Variants in SCGB2A1 observed in about 807,000 individuals in gnomAD.
SCGB2A1 encodes the protein secretoglobin family 2A member 1.
A neutral mutation model predicts 9.2 loss-of-function variants in SCGB2A1; 6 were observed. The ratio of observed to expected loss-of-function variants is 0.66; its 90% CI spans 0.36 to 1.29. The LOEUF (loss-of-function observed/expected upper bound fraction) is 1.29. SCGB2A1 is among the 50% of genes most tolerant of loss of function. SCGB2A1 has a pLI of 0.03. For missense variants in SCGB2A1, 138 were observed against 116.9 expected, an observed-to-expected ratio of 1.18 and a Z score of -0.83; for synonymous variants, 37 against 41.0, an observed-to-expected ratio of 0.90 and a Z score of 0.37.
chr11:62,209,875 G>A (rs1258570620), intron 1 of SCGB2A1, among the ~76,000 whole-genome samples: 1 of 152,046 alleles, frequency 6.6e-6, no homozygotes, highest in Non-Finnish European at 1.5e-5. Flanking sequence ...AGGTCTCCCT[G>A]TGTTGTCCAG....
chr11:62,208,860 C>T (rs942307907), intron 1 of SCGB2A1, 74 bp downstream of exon 1: 1 of 1,458,730 alleles, frequency 6.9e-7, no homozygotes, highest in Non-Finnish European at 9.5e-7. Context: ...AACTCCCAAC[C>T]TCTAATCCCC....
chr11:62,213,585 G>C, intron 2 of SCGB2A1, 141 bp from the exon 3 acceptor site: 1 of 721,514 alleles, frequency 1.4e-6, no homozygotes, highest in African/African-American at 1.8e-5. Flanking sequence ...ATGGAGAGGG[G>C]ATGCTGGCTT....
intron 2 of SCGB2A1, among the ~76,000 whole-genome samples, chr11:62,211,679 T>A (rs1442990914): frequency 6.6e-6 from 1 of 151,902 alleles, no homozygotes; most frequent in Non-Finnish European, 1.5e-5. Flanking sequence ...GGATTACAGG[T>A]GTGAGCCACT....
Position 62,213,102 on chromosome 11 carries a change from A to T in SCGB2A1, c.244-624A>T, listed in dbSNP as rs1198606753. ...TACACATATATACACATATATATAT[A>T]TATATTTTTTTTTTTGTAGAGATGG... On this transcript the variant is annotated intron_variant, in intron 2 of 2. Transcript: ENST00000244930. Among the ~76,000 whole-genome samples the T allele has an allele frequency of 3.2e-3, 128 of 39,894 alleles. 9 individuals carry two copies. Among genetic ancestry groups the T allele is most frequent in the African/African-American group, 6.6e-3 (122 of 18,474 alleles). The allele number at this position is 39,894 out of a possible 152,430, so 26.2% of individuals were successfully genotyped here. A position where few individuals can be genotyped will look rare whatever the true frequency, so the allele number is the denominator to read the frequency against.
At position 62,213,930 on chromosome 11, in the gene SCGB2A1, G is replaced by T; in HGVS notation, c.*160G>T. The T allele has an allele frequency of 3.6e-6, 2 of 559,588 alleles. No homozygotes were observed. The highest frequency in any genetic ancestry group is 3.1e-6 in the Non-Finnish European group (1 of 318,678). The allele number at this position is 559,588 out of a possible 1,614,324, so 34.7% of individuals were successfully genotyped here. ...TCATTTCCATTTCAATAAACTAACT[G>T]CAAATCACTAAAATTCTTTCTTGTT... On this transcript the variant is annotated 3_prime_UTR_variant, in exon 3 of 3. Transcript: ENST00000244930.
rs757655165 is a variant in SCGB2A1 at position 62,208,724 on chromosome 11, G to A, written c.-8G>A. On this transcript the variant is annotated 5_prime_UTR_variant, in exon 1 of 3. Transcript: ENST00000244930. ...GCACGACTGAACACAGACAGCAGCC[G>A]CCTCGCCATGAAGCTGCTGATGGTC... The A allele has an allele frequency of 6.2e-6, 10 of 1,613,342 alleles. No homozygotes were observed. The highest frequency in any genetic ancestry group is 2.7e-5 in the African/African-American group (2 of 74,922).
intron 2 of SCGB2A1, 104 bp downstream of exon 2, chr11:62,210,704 CT>C: frequency 1.2e-6 from 1 of 803,748 alleles, no homozygotes; most frequent in Non-Finnish European, 1.9e-6. Context: ...AACAAACTTT[CT>C]TTATATATCA....
chr11:62,212,170 G>C (rs1271256062), intron 2 of SCGB2A1, among the ~76,000 whole-genome samples: 1 of 151,396 alleles, frequency 6.6e-6, no homozygotes, highest in Non-Finnish European at 1.5e-5. Context: ...TGATCTGCCC[G>C]CTTCAGCCTC....
intron 2 of SCGB2A1, among the ~76,000 whole-genome samples, chr11:62,211,888 T>C (rs1212874785): frequency 6.6e-6 from 1 of 152,162 alleles, no homozygotes; most frequent in African/African-American, 2.4e-5. Flanking sequence ...TTTCTGTCTG[T>C]TTATAAAGAT....
Position 62,210,625 on chromosome 11 carries a change from C to A in SCGB2A1, c.243+25C>A, listed in dbSNP as rs777090190. The A allele has an allele frequency of 2.5e-5, 38 of 1,491,264 alleles. 1 individual carries two copies. The Middle Eastern group carries it at 5.3e-4, about 21-fold the overall frequency. 92.4% of individuals were successfully genotyped at this position (1,491,264 alleles called of 1,614,324 possible). A position where few individuals can be genotyped will look rare whatever the true frequency, so the allele number is the denominator to read the frequency against. On this transcript the variant is annotated intron_variant, in intron 2 of 2. Coordinates refer to ENST00000244930, the MANE Select transcript of SCGB2A1 (RefSeq NM_002407.3). ...GGTAATTTGGGTTTCTTCTTATGTA[C>A]CCTTTGAAAATCACTGATCAGAACC...
Position 62,210,482 on chromosome 11 carries a change from A to G in SCGB2A1, c.125A>G (p.Tyr42Cys), listed in dbSNP as rs1285429461. The G allele has an allele frequency of 6.3e-7, 1 of 1,597,696 alleles. No individual in the cohort carries two copies. Among genetic ancestry groups the G allele is most frequent in the Non-Finnish European group, 8.5e-7 (1 of 1,174,450 alleles). The change falls in exon 2 of 3, where the codon TAC becomes TGC. Residue 42 changes from tyrosine to cysteine, a missense_variant. Coordinates refer to ENST00000244930, the MANE Select transcript of SCGB2A1 (RefSeq NM_002407.3). The part of the protein sequence containing the change: ...TINSDISIPE[Y>C]KELLQEFIDS... ...AATTCCGACATATCTATACCTGAAT[A>G]CAAAGAGCTTCTTCAAGAGTTCATA...
At position 62,213,792 on chromosome 11, in the gene SCGB2A1, C is replaced by T. The variant is rs376354777; in HGVS notation, c.*22C>T. On this transcript the variant is annotated 3_prime_UTR_variant, in exon 3 of 3. Transcript: ENST00000244930. ...TTAACTTTACCCAAGGCGTTTGGCTCAGAGGGCTACAGACTATGGCCAGAA... is the reference window on the plus strand; with the variant it reads ...TTAACTTTACCCAAGGCGTTTGGCTTAGAGGGCTACAGACTATGGCCAGAA... 121 of 1,605,230 alleles carry T rather than the reference C, an allele frequency of 7.5e-5. No homozygotes were observed. The Middle Eastern group carries it at 2.3e-3, about 31-fold the overall frequency.
intron 2 of SCGB2A1, among the ~76,000 whole-genome samples, chr11:62,211,433 T>A (rs1369100218): frequency 6.6e-6 from 1 of 152,098 alleles, no homozygotes; most frequent in African/African-American, 2.4e-5. Flanking sequence ...GGAGTTTCAC[T>A]CTGTTGCCCA....
At chr11:62,209,649 G>A (rs1944812619) in intron 1 of SCGB2A1, among the ~76,000 whole-genome samples, 2 of 137,824 alleles carry the variant, frequency 1.5e-5, no homozygotes, top group African/African-American at 6.4e-5. Context: ...GTGTGTGTGT[G>A]TGTGTGTGTG....
intron 1 of SCGB2A1, 55 bp from the exon 2 acceptor site, chr11:62,210,358 C>A: frequency 1.3e-6 from 2 of 1,532,178 alleles, no homozygotes; most frequent in East Asian, 2.3e-5. Flanking sequence ...ATGAATCACA[C>A]CTCTAGTAAT....
chr11:62,212,949 C>CATATGT, intron 2 of SCGB2A1, among the ~76,000 whole-genome samples: 1 of 84,354 alleles, frequency 1.2e-5, no homozygotes. Context: ...CATATGTACA[C>CATATGT]ACATATGTAC....
chr11:62,212,989 CATGCATATATGT>C lies in SCGB2A1; in HGVS notation c.244-735_244-724del, dbSNP rs1330901024. ...ATGTACACATATATGTGCACATATA[CATGCATATATGT>C]ACACATATATGCACATATATACATA... On this transcript the variant is annotated intron_variant, in intron 2 of 2. Coordinates refer to ENST00000244930, the MANE Select transcript of SCGB2A1 (RefSeq NM_002407.3). Among the ~76,000 whole-genome samples, 3 of 135,624 alleles carry C rather than the reference CATGCATATATGT, an allele frequency of 2.2e-5. No individual in the cohort carries two copies. The East Asian group carries it at 6.5e-4, about 29-fold the overall frequency. The allele number at this position is 135,624 out of a possible 152,430, so 89.0% of individuals were successfully genotyped here. A position where few individuals can be genotyped will look rare whatever the true frequency, so the allele number is the denominator to read the frequency against.
chr11:62,208,809 T>A (rs746738975), intron 1 of SCGB2A1, 23 bp downstream of exon 1: 2 of 1,610,656 alleles, frequency 1.2e-6, no homozygotes. Flanking sequence ...CAGAGAGGGC[T>A]GCTTCTGGGC....
Position 62,213,012 on chromosome 11 carries a change from G to A in SCGB2A1, c.244-714G>A, listed in dbSNP as rs11608023. On this transcript the variant is annotated intron_variant, in intron 2 of 2. Coordinates refer to ENST00000244930, the MANE Select transcript of SCGB2A1 (RefSeq NM_002407.3). ...TACATGCATATATGTACACATATATGCACATATATACATATATACACACAT... is the reference window on the plus strand; with the variant it reads ...TACATGCATATATGTACACATATATACACATATATACATATATACACACAT... Among the ~76,000 whole-genome samples the A allele has an allele frequency of 3.8e-3, 529 of 139,028 alleles. 13 individuals carry two copies. Among genetic ancestry groups the A allele is most frequent in the Non-Finnish European group, 5.3e-3 (350 of 65,540 alleles). The allele number at this position is 139,028 out of a possible 152,430, so 91.2% of individuals were successfully genotyped here.
Sources: gnomAD v4.1 joint callset for allele counts (sites outside exome capture counted in the v4.1 genomes callset) on GRCh38, gnomAD v4.1.1 for gene constraint, MANE v1.5 for transcripts, NCBI Gene and HGNC (gene_info 2026-07-23, HGNC 2026-07-21) for gene names.